Variants in EEPD1 observed in about 807,000 individuals in gnomAD.
EEPD1 encodes endonuclease/exonuclease/phosphatase family domain containing 1, also known as endonuclease/exonuclease/phosphatase family domain-containing protein 1.
In EEPD1, 17 loss-of-function variants were observed where a neutral mutation model predicts 46.3. That is an observed-to-expected ratio of 0.37 (90% CI 0.25 to 0.55). The LOEUF is 0.55. Ranked by LOEUF, EEPD1 falls within the 20% of genes least tolerant of loss-of-function variation. The pLI, the probability that EEPD1 is intolerant of heterozygous loss-of-function variation, is 0.83. For missense variants in EEPD1, 673 were observed against 745.6 expected, an observed-to-expected ratio of 0.90 and a Z score of 1.13; for synonymous variants, 313 against 315.6, an observed-to-expected ratio of 0.99 and a Z score of 0.09.
At chr7:36,167,027 C>T (rs568831762) in intron 2 of EEPD1, among the ~76,000 whole-genome samples, 10 of 152,220 alleles carry the variant, frequency 6.6e-5, no homozygotes, top group African/African-American at 2.4e-4. Flanking sequence ...AGTCCCCTTT[C>T]CCTGGTTTGC....
intron 5 of EEPD1, 139 bp downstream of exon 5, chr7:36,284,959 T>G (rs1411807431): frequency 5.6e-6 from 7 of 1,240,786 alleles, no homozygotes; most frequent in Middle Eastern, 2.6e-4. Context: ...TGGAGATTTT[T>G]GTCTCTCCTG....
chr7:36,197,403 C>A (rs1367004244), intron 2 of EEPD1, among the ~76,000 whole-genome samples: 1 of 152,306 alleles, frequency 6.6e-6, no homozygotes, highest in East Asian at 1.9e-4. Flanking sequence ...ACCACCCCGT[C>A]TGGGAGGTGT....
chr7:36,214,686 A>G (rs1013893457), intron 2 of EEPD1, among the ~76,000 whole-genome samples: 3 of 152,200 alleles, frequency 2.0e-5, no homozygotes, highest in Non-Finnish European at 2.9e-5. Context: ...GATGTTCACT[A>G]AACATGGAGA....
intron 3 of EEPD1, among the ~76,000 whole-genome samples, chr7:36,259,026 G>A (rs196561): frequency 0.012 from 1,872 of 152,244 alleles, 20 homozygotes; most frequent in Non-Finnish European, 0.019. Flanking sequence ...TGTGGGAAAA[G>A]CATAGTATCT....
At chr7:36,217,895 G>T (rs1024815780) in intron 2 of EEPD1, among the ~76,000 whole-genome samples, 1 of 152,228 alleles carries the variant, frequency 6.6e-6, no homozygotes, top group African/African-American at 2.4e-5. Context: ...ATTTTGGCTG[G>T]AGTATTAATT....
chr7:36,172,495 T>C (rs904951779), intron 2 of EEPD1, among the ~76,000 whole-genome samples: 2 of 152,200 alleles, frequency 1.3e-5, no homozygotes, highest in African/African-American at 4.8e-5. Flanking sequence ...CCTTCATCTG[T>C]ATCCTTTCCA....
intron 2 of EEPD1, 45 bp from the exon 3 acceptor site, chr7:36,238,940 G>T (rs1786505889): frequency 6.3e-7 from 1 of 1,581,550 alleles, no homozygotes; most frequent in African/African-American, 1.4e-5. Context: ...TTGGTGACAT[G>T]AAATGATTTG....
intron 2 of EEPD1, among the ~76,000 whole-genome samples, chr7:36,158,569 A>G (rs1056299572): frequency 1.3e-5 from 2 of 152,190 alleles, no homozygotes; most frequent in African/African-American, 2.4e-5. Flanking sequence ...GTGAGGTAGG[A>G]CAGCATTATT....
chr7:36,262,081 G>T (rs1431666526), intron 3 of EEPD1, among the ~76,000 whole-genome samples: 1 of 152,170 alleles, frequency 6.6e-6, no homozygotes, highest in Non-Finnish European at 1.5e-5. Context: ...TCCTGGACTT[G>T]GTTTCCCCCC....
In EEPD1 at chr7:36,218,668, C is replaced by CT. The variant is rs556880108; in HGVS notation, c.879-20316dup. Reference sequence around the variant, plus strand: ...GAATTTTCCATTTAATATTTTTGGACTGTGATTGACTGTGGGTCACTGAAA... The same window carrying CT: ...GAATTTTCCATTTAATATTTTTGGACTTGTGATTGACTGTGGGTCACTGAAA... On this transcript the variant is annotated intron_variant, in intron 2 of 7. Coordinates refer to ENST00000242108, the MANE Select transcript of EEPD1 (RefSeq NM_030636.3). 1.7e-4 allele frequency among the ~76,000 whole-genome samples: 26 copies of CT among 152,294 alleles called. No homozygotes were observed. In the East Asian group the frequency reaches 3.7e-3, roughly 21 times the overall value.
chr7:36,190,901 C>T lies in EEPD1; in HGVS notation c.878+35699C>T, dbSNP rs529164804. Among the ~76,000 whole-genome samples the T allele has an allele frequency of 6.7e-4, 102 of 152,292 alleles. 1 individual carries two copies. The highest frequency in any genetic ancestry group is 3.4e-3 in the Middle Eastern group (1 of 294). On this transcript the variant is annotated intron_variant, in intron 2 of 7. Coordinates refer to ENST00000242108, the MANE Select transcript of EEPD1 (RefSeq NM_030636.3). ...GACAGGCTCAGGCATGACTTGCAGC[C>T]AGCACCCCCGGAATGCCCGGCCTTC...
At chr7:36,183,875 G>GTTTTTTTTTT (rs35033256) in intron 2 of EEPD1, among the ~76,000 whole-genome samples, 2 of 51,882 alleles carry the variant, frequency 3.9e-5, no homozygotes, top group Non-Finnish European at 1.3e-4. Context: ...CCTAGCCCTC[G>GTTTTTTTTTT]TTTTTTTTTT....
intron 2 of EEPD1, among the ~76,000 whole-genome samples, chr7:36,184,288 A>G (rs1472902706): frequency 6.6e-6 from 1 of 152,182 alleles, no homozygotes. Flanking sequence ...TGCCAAAGCC[A>G]TTCTTACTTT....
chr7:36,297,858 C>T (rs1267902710), intron 7 of EEPD1, among the ~76,000 whole-genome samples: 1 of 152,192 alleles, frequency 6.6e-6, no homozygotes, highest in African/African-American at 2.4e-5. Flanking sequence ...ACAGTAGGGT[C>T]TTTTGATGAA....
intron 3 of EEPD1, among the ~76,000 whole-genome samples, chr7:36,266,352 T>C (rs1256067354): frequency 2.0e-5 from 3 of 152,158 alleles, no homozygotes; most frequent in Admixed American, 2.0e-4. Context: ...AGTAACCATA[T>C]GTGAAGAGAC....
At chr7:36,274,014 G>T (rs891343771) in intron 3 of EEPD1, among the ~76,000 whole-genome samples, 10 of 152,228 alleles carry the variant, frequency 6.6e-5, no homozygotes, top group Admixed American at 2.0e-4. Context: ...GCAGTGTTGT[G>T]TGAGGGTTCA....
intron 2 of EEPD1, among the ~76,000 whole-genome samples, chr7:36,218,649 T>C (rs1786076417): frequency 6.6e-6 from 1 of 152,186 alleles, no homozygotes; most frequent in Admixed American, 6.5e-5. Flanking sequence ...TCCAGAATTT[T>C]CCATTTAATA....
rs1388490279 is a variant in EEPD1 at position 36,155,018 on chromosome 7, G to T, written c.694G>T (p.Asp232Tyr). The T allele has an allele frequency of 1.2e-6, 2 of 1,607,566 alleles. No individual in the cohort carries two copies. The highest frequency in any genetic ancestry group is 3.4e-5 in the Admixed American group (2 of 59,642). ...TSLSLQSEDLDLPPGGPTQII... is the reference protein window; with the variant it reads ...TSLSLQSEDLYLPPGGPTQII... ...CCTGAGCCTGCAGAGTGAGGACCTGGACCTGCCGCCAGGGGGGCCCACCCA... is the reference window on the plus strand; with the variant it reads ...CCTGAGCCTGCAGAGTGAGGACCTGTACCTGCCGCCAGGGGGGCCCACCCA... Residue 232 changes from aspartate (D) to tyrosine (Y), a missense_variant, in exon 2 of 8, where the codon GAC becomes TAC. Transcript: ENST00000242108.
intron 2 of EEPD1, among the ~76,000 whole-genome samples, chr7:36,215,158 G>A (rs1360908276): frequency 1.3e-5 from 2 of 152,226 alleles, no homozygotes; most frequent in African/African-American, 4.8e-5. Context: ...AGACACGGGT[G>A]AGATGCTGTT....
Sources: allele counts gnomAD v4.1 joint callset (sites outside exome capture counted in the v4.1 genomes callset), GRCh38; gene constraint gnomAD v4.1.1; transcripts MANE v1.5; gene names NCBI Gene and HGNC (gene_info 2026-07-23, HGNC 2026-07-21).